ADAMTS17: variants seen among roughly 807,000 people sequenced by gnomAD.
ADAMTS17 encodes the protein A disintegrin and metalloproteinase with thrombospondin motifs 17.
ADAMTS17 carries 113 observed loss-of-function variants against 141.5 expected under a neutral mutation model. The observed-to-expected ratio is 0.80, with a 90% CI of 0.69 to 0.93. ADAMTS17 has a LOEUF of 0.93. Among genes scored for constraint, ADAMTS17 ranks in the 40% least tolerant of loss-of-function variants. The pLI is 0.00. For synonymous variants in ADAMTS17, 768 were observed against 630.6 expected (o/e 1.22, Z -3.27); for missense variants, 1,659 against 1,517.9 (o/e 1.09, Z -1.54).
intron 8 of ADAMTS17, 75 bp from the exon 9 acceptor site, chr15:100,155,395 T>TGC: frequency 2.6e-6 from 4 of 1,564,204 alleles, no homozygotes; most frequent in Non-Finnish European, 3.5e-6. Flanking sequence ...TAGCGGACCA[T>TGC]GCTAAGGTAA....
intron 8 of ADAMTS17, among the ~76,000 whole-genome samples, chr15:100,190,773 C>G (rs1018659584): frequency 6.6e-6 from 1 of 152,170 alleles, no homozygotes; most frequent in Non-Finnish European, 1.5e-5. Context: ...CACCTGAGCA[C>G]GAAGGAAACC....
At chr15:100,108,884 A>G in intron 14 of ADAMTS17, 105 bp downstream of exon 14, 7 of 1,585,110 alleles carry the variant, frequency 4.4e-6, no homozygotes, top group Non-Finnish European at 6.0e-6. Context: ...AAGAAAATCC[A>G]CTCCCCTAGG....
At chr15:100,337,014 C>T (rs951154553) in intron 2 of ADAMTS17, among the ~76,000 whole-genome samples, 3 of 152,200 alleles carry the variant, frequency 2.0e-5, no homozygotes, top group Admixed American at 6.5e-5. Flanking sequence ...GCTGGGATTA[C>T]AGGCGCCCAC....
At chr15:100,230,971 T>C (rs1461905713) in intron 7 of ADAMTS17, among the ~76,000 whole-genome samples, 14 of 152,130 alleles carry the variant, frequency 9.2e-5, no homozygotes, top group Admixed American at 9.2e-4. Flanking sequence ...GCAAGGTATG[T>C]CTTGGAAGGC....
chr15:100,145,856 C>G (rs531557209), intron 10 of ADAMTS17, among the ~76,000 whole-genome samples: 2 of 152,192 alleles, frequency 1.3e-5, no homozygotes. Flanking sequence ...TAATCTTTAA[C>G]GCATCACATT....
chr15:100,202,408 G>C (rs1490412938), intron 7 of ADAMTS17, among the ~76,000 whole-genome samples: 1 of 152,098 alleles, frequency 6.6e-6, no homozygotes, highest in Non-Finnish European at 1.5e-5. Context: ...TATTCCAGTC[G>C]TGACCAGCCT....
chr15:100,072,504 C>G (rs1446327370), intron 15 of ADAMTS17, among the ~76,000 whole-genome samples: 1 of 151,818 alleles, frequency 6.6e-6, no homozygotes, highest in South Asian at 2.1e-4. Flanking sequence ...TGACTTCAAA[C>G]TATACTACAA....
At chr15:100,329,685 T>G (rs1218255317) in intron 3 of ADAMTS17, among the ~76,000 whole-genome samples, 1 of 152,182 alleles carries the variant, frequency 6.6e-6, no homozygotes, top group Non-Finnish European at 1.5e-5. Context: ...AAAACCCTAA[T>G]GTCTCCATTT....
intron 10 of ADAMTS17, among the ~76,000 whole-genome samples, chr15:100,144,093 T>C (rs995443509): frequency 3.3e-5 from 5 of 152,214 alleles, no homozygotes; most frequent in Non-Finnish European, 7.3e-5. Flanking sequence ...CTGGAAGTGT[T>C]TTCAAAATAT....
At chr15:100,054,832 G>A (rs973364141) in intron 15 of ADAMTS17, among the ~76,000 whole-genome samples, 1 of 152,170 alleles carries the variant, frequency 6.6e-6, no homozygotes, top group Non-Finnish European at 1.5e-5. Context: ...ACATGCTGCT[G>A]ACGGGCCATA....
chr15:100,248,187 G>C (rs1486876711), intron 7 of ADAMTS17, among the ~76,000 whole-genome samples: 5 of 152,084 alleles, frequency 3.3e-5, no homozygotes, highest in Admixed American at 6.6e-5. Flanking sequence ...TCCCTCACTG[G>C]ACAACGAAAA....
chr15:100,140,993 G>T (rs2038617826), intron 10 of ADAMTS17, among the ~76,000 whole-genome samples: 1 of 152,308 alleles, frequency 6.6e-6, no homozygotes, highest in Non-Finnish European at 1.5e-5. Context: ...AATCAGGGGT[G>T]GGGGTACTAA....
At chr15:99,978,262 C>A (rs890169660) in intron 20 of ADAMTS17, among the ~76,000 whole-genome samples, 76 of 152,272 alleles carry the variant, frequency 5.0e-4, no homozygotes, top group African/African-American at 1.8e-3. Context: ...CAGGTGGATT[C>A]CTCAGCTTCC....
At chr15:100,167,236 C>G (rs1236331999) in intron 8 of ADAMTS17, among the ~76,000 whole-genome samples, 1 of 152,176 alleles carries the variant, frequency 6.6e-6, no homozygotes, top group African/African-American at 2.4e-5. Flanking sequence ...CATAGCATAT[C>G]TTTGCCCACA....
chr15:100,107,790 C>G (rs552279328), intron 14 of ADAMTS17, among the ~76,000 whole-genome samples: 1 of 152,248 alleles, frequency 6.6e-6, no homozygotes, highest in South Asian at 2.1e-4. Flanking sequence ...TCTTGGACTT[C>G]CCAGCTTCCA....
chr15:99,974,320 C>T lies in ADAMTS17; in HGVS notation c.*82G>A, dbSNP rs3825894. The T allele has an allele frequency of 0.48, 758,250 of 1,578,694 alleles. 188,786 individuals carry two copies. The highest frequency in any genetic ancestry group is 0.52 in the Non-Finnish European group (598,107 of 1,154,002). On this transcript the variant is annotated 3_prime_UTR_variant, in exon 22 of 22. Transcript: ENST00000268070. ...GATTCTTGTGGCAGCCGGGTGGGGG[C>T]GTGGCCACAAGGCTGGTAGGCTTGC...
intron 9 of ADAMTS17, among the ~76,000 whole-genome samples, chr15:100,152,971 C>CCA (rs1567265923): frequency 8.9e-5 from 2 of 22,522 alleles, no homozygotes; most frequent in South Asian, 3.4e-3. Flanking sequence ...AATCTTCGCT[C>CCA]TGAAGGTAGT....
At chr15:100,279,235 G>A (rs970079001) in intron 4 of ADAMTS17, among the ~76,000 whole-genome samples, 2 of 152,088 alleles carry the variant, frequency 1.3e-5, no homozygotes, top group Non-Finnish European at 2.9e-5. Flanking sequence ...TATCCTACCC[G>A]CACTCTGAGC....
intron 7 of ADAMTS17, among the ~76,000 whole-genome samples, chr15:100,241,165 G>A (rs949581080): frequency 6.6e-6 from 1 of 151,934 alleles, no homozygotes; most frequent in Non-Finnish European, 1.5e-5. Flanking sequence ...TTATTTTCAG[G>A]GTCCTGGCCA....
Sources: gnomAD v4.1 joint callset for allele counts (sites outside exome capture counted in the v4.1 genomes callset) on GRCh38, gnomAD v4.1.1 for gene constraint, MANE v1.5 for transcripts, NCBI Gene and HGNC (gene_info 2026-07-23, HGNC 2026-07-21) for gene names.